The following CSNK1G3 variants were observed in gnomAD, a reference collection of about 807,000 sequenced individuals.
CSNK1G3 encodes casein kinase 1 gamma 3.
Under a neutral mutation model 64.3 loss-of-function variants are expected in CSNK1G3, and 23 were observed. That is an observed-to-expected ratio of 0.36 (90% CI 0.26 to 0.51). The LOEUF is 0.51. CSNK1G3 is among the 20% of genes least tolerant of loss of function. CSNK1G3 has a pLI of 0.96. For missense variants in CSNK1G3, 357 were observed against 510.5 expected (o/e 0.70, Z 2.90); for synonymous variants, 158 against 162.2 (o/e 0.97, Z 0.20).
At chr5:123,525,061 G>A (rs902060262) in intron 1 of CSNK1G3, among the ~76,000 whole-genome samples, 2 of 152,218 alleles carry the variant, frequency 1.3e-5, no homozygotes, top group African/African-American at 2.4e-5. Flanking sequence ...TGCTCGGAAA[G>A]CACTATAATT....
At chr5:123,614,983 G>A (rs1749214694) in exon 13 of CSNK1G3, 1 of 152,602 alleles carries the variant, frequency 6.6e-6, no homozygotes, top group Non-Finnish European at 1.5e-5. Flanking sequence ...TCACTGCCCA[G>A]AGGTACTGAG....
At chr5:123,553,282 C>A (rs558529893) in intron 3 of CSNK1G3, 135 bp downstream of exon 3, 16 of 426,640 alleles carry the variant, frequency 3.8e-5, no homozygotes, top group Admixed American at 1.4e-4. Flanking sequence ...CATAGCTAAT[C>A]TTTGTTGCTA....
At chr5:123,570,051 T>C (rs1041282171) in intron 4 of CSNK1G3, among the ~76,000 whole-genome samples, 2 of 152,220 alleles carry the variant, frequency 1.3e-5, no homozygotes, top group South Asian at 4.1e-4. Context: ...ATTCCTGGAT[T>C]AAAACATTCT....
chr5:123,529,371 G>A (rs144928721), intron 1 of CSNK1G3, among the ~76,000 whole-genome samples: 71 of 152,222 alleles, frequency 4.7e-4, no homozygotes, highest in African/African-American at 1.6e-3. Flanking sequence ...TAATAAATCA[G>A]CTGTTTTTTT....
chr5:123,582,113 G>T (rs1286575806), intron 6 of CSNK1G3, among the ~76,000 whole-genome samples: 1 of 152,044 alleles, frequency 6.6e-6, no homozygotes, highest in Non-Finnish European at 1.5e-5. Context: ...ACGAAAAAGG[G>T]AATTTTTTTT....
intron 6 of CSNK1G3, among the ~76,000 whole-genome samples, chr5:123,577,969 C>T (rs1161355082): frequency 2.6e-5 from 4 of 151,832 alleles, no homozygotes; most frequent in South Asian, 2.1e-4. Context: ...ATAAATAGAA[C>T]CATCCAACTT....
intron 6 of CSNK1G3, among the ~76,000 whole-genome samples, chr5:123,587,262 C>T (rs1038195872): frequency 1.3e-5 from 2 of 152,154 alleles, no homozygotes; most frequent in Non-Finnish European, 2.9e-5. Context: ...GTGGATAAAA[C>T]ATCTTGCACA....
intron 12 of CSNK1G3, among the ~76,000 whole-genome samples, chr5:123,607,018 C>G (rs942089846): frequency 2.6e-5 from 4 of 152,148 alleles, no homozygotes; most frequent in African/African-American, 2.4e-5. Flanking sequence ...GGAGGTGGCT[C>G]TGAAGAATGG....
At chr5:123,615,203 C>T (rs561809068) in exon 13 of CSNK1G3, 1 of 152,638 alleles carries the variant, frequency 6.6e-6, no homozygotes, top group South Asian at 2.1e-4. Context: ...GAAATGAATA[C>T]TTTAAAAAGT....
At chr5:123,533,813 C>G (rs192352394) in intron 1 of CSNK1G3, among the ~76,000 whole-genome samples, 1 of 149,560 alleles carries the variant, frequency 6.7e-6, no homozygotes, top group Admixed American at 6.7e-5. Context: ...GAGGTTTTTT[C>G]TTTTTTTTAT....
At chr5:123,587,577 A>G (rs919796710) in intron 6 of CSNK1G3, among the ~76,000 whole-genome samples, 1 of 152,222 alleles carries the variant, frequency 6.6e-6, no homozygotes, top group African/African-American at 2.4e-5. Flanking sequence ...TTCTTAAAAT[A>G]TATTACACAC....
rs534701101 is a variant in CSNK1G3, at chr5:123,580,298, T to C, written c.673+4335T>C. ...AGAGAGTTTGGTCAAAGGAACATTA[T>C]ATGGGTTTGTAAGTATTTTTCCTTT... On this transcript the variant is annotated intron_variant, in intron 6 of 12. Transcript: ENST00000345990. 2.4e-4 allele frequency among the ~76,000 whole-genome samples: 37 copies of C among 152,126 alleles called. 1 individual carries two copies. The South Asian group carries it at 7.7e-3, about 31-fold the overall frequency.
intron 1 of CSNK1G3, among the ~76,000 whole-genome samples, chr5:123,526,115 G>A (rs767861800): frequency 1.5e-4 from 23 of 151,878 alleles, no homozygotes; most frequent in Non-Finnish European, 3.1e-4. Flanking sequence ...ATGGCTCCCT[G>A]CAGCCTCAAA....
intron 12 of CSNK1G3, among the ~76,000 whole-genome samples, chr5:123,611,471 G>A (rs1050364263): frequency 2.0e-5 from 3 of 152,252 alleles, no homozygotes; most frequent in South Asian, 4.1e-4. Flanking sequence ...AATGCTTGGC[G>A]TAGTTCAGTA....
At chr5:123,554,486 A>C (rs1784260310) in intron 3 of CSNK1G3, among the ~76,000 whole-genome samples, 1 of 152,186 alleles carries the variant, frequency 6.6e-6, no homozygotes, top group South Asian at 2.1e-4. Flanking sequence ...AGCCAAGTTA[A>C]AATTTCAAGG....
chr5:123,614,419 G>A (rs1749104460), exon 13 of CSNK1G3: 1 of 1,601,396 alleles, frequency 6.2e-7, no homozygotes. Flanking sequence ...ACAGATCCTG[G>A]GGAGTTACTT....
At chr5:123,564,863 T>C (rs1786519669) in intron 4 of CSNK1G3, among the ~76,000 whole-genome samples, 1 of 152,182 alleles carries the variant, frequency 6.6e-6, no homozygotes, top group African/African-American at 2.4e-5. Context: ...ACCTGTTGGT[T>C]CATAGCAGCG....
At chr5:123,517,717 G>C (rs1289955640) in intron 1 of CSNK1G3, among the ~76,000 whole-genome samples, 1 of 152,110 alleles carries the variant, frequency 6.6e-6, no homozygotes, top group Non-Finnish European at 1.5e-5. Flanking sequence ...AAAGGCCATA[G>C]CTCTGTATTA....
chr5:123,548,047 A>G (rs1488930437), intron 2 of CSNK1G3, among the ~76,000 whole-genome samples: 1 of 152,188 alleles, frequency 6.6e-6, no homozygotes, highest in African/African-American at 2.4e-5. Flanking sequence ...AAGAAAGACT[A>G]TAAGGTATAC....
Sources: gnomAD v4.1 joint callset for allele counts (sites outside exome capture counted in the v4.1 genomes callset) on GRCh38, gnomAD v4.1.1 for gene constraint, MANE v1.5 for transcripts, NCBI Gene and HGNC (gene_info 2026-07-23, HGNC 2026-07-21) for gene names.